DIRAS2: variants seen among roughly 807,000 people sequenced by gnomAD.
DIRAS2 encodes the protein DIRAS family GTPase 2.
DIRAS2 carries 5 observed loss-of-function variants against 13.9 expected under a neutral mutation model. That is an observed-to-expected ratio of 0.36 (90% CI 0.19 to 0.76). The LOEUF (loss-of-function observed/expected upper bound fraction) is 0.76, where lower values mean the gene tolerates loss of function less well. DIRAS2 is among the 30% of genes least tolerant of loss of function. The pLI, the probability that DIRAS2 is intolerant of heterozygous loss-of-function variation, is 0.53. For missense variants in DIRAS2, 191 were observed against 263.0 expected, an observed-to-expected ratio of 0.73 and a Z score of 1.89; for synonymous variants, 111 against 105.4, an observed-to-expected ratio of 1.05 and a Z score of -0.33.
At chr9:90,619,805 T>C (rs1587720829) in intron 1 of DIRAS2, among the ~76,000 whole-genome samples, 1 of 152,178 alleles carries the variant, frequency 6.6e-6, no homozygotes, top group African/African-American at 2.4e-5. Context: ...CAAATGTTTG[T>C]AACTAATGAA....
chr9:90,627,441 G>C (rs1192145492), intron 1 of DIRAS2, among the ~76,000 whole-genome samples: 1 of 152,176 alleles, frequency 6.6e-6, no homozygotes, highest in Non-Finnish European at 1.5e-5. Context: ...GACAAATACT[G>C]TATGAATTCA....
In DIRAS2 at chr9:90,639,465, G is replaced by A. The variant is rs187811409; in HGVS notation, c.-37+3287C>T. On this transcript the variant is annotated intron_variant, in intron 1 of 1. Transcript: ENST00000375765. ...TAGCTGTTCATTAGTTTTATAATGG[G>A]TTTGCTGCTGCTTGTTCAGTAAAAG... Among the ~76,000 whole-genome samples the A allele has an allele frequency of 1.2e-4, 18 of 152,256 alleles. No individual in the cohort carries two copies. In the East Asian group the frequency reaches 3.5e-3, roughly 29 times the overall value.
chr9:90,612,220 G>C lies in DIRAS2; in HGVS notation c.*1008C>G, dbSNP rs1195870708. On this transcript the variant is annotated 3_prime_UTR_variant, in exon 2 of 2. Transcript: ENST00000375765. ...TCAAAGTATTTCATTAAGGTGCAAA[G>C]TGTGGCATATACATGTTTGTGACAC... The C allele has an allele frequency of 6.6e-6, 1 of 152,632 alleles. No homozygotes were observed. The highest frequency in any genetic ancestry group is 1.5e-5 in the Non-Finnish European group (1 of 68,050). The allele number at this position is 152,632 out of a possible 1,614,324, so 9.5% of individuals were successfully genotyped here.
chr9:90,629,285 T>C lies in DIRAS2; in HGVS notation c.-37+13467A>G, dbSNP rs187582811. Among the ~76,000 whole-genome samples, 214 of 152,360 alleles carry C rather than the reference T, an allele frequency of 1.4e-3. 2 individuals are homozygous for C. The highest frequency in any genetic ancestry group is 5.8e-3 in the South Asian group (28 of 4,832). ...CATAAAAACAAATCTCTATACTCTTTCCAGCACAGTTTAATAACACATAAT... is the reference window on the plus strand; with the variant it reads ...CATAAAAACAAATCTCTATACTCTTCCCAGCACAGTTTAATAACACATAAT... On this transcript the variant is annotated intron_variant, in intron 1 of 1. Transcript: ENST00000375765.
intron 1 of DIRAS2, among the ~76,000 whole-genome samples, chr9:90,625,558 C>T (rs1825260858): frequency 2.0e-5 from 3 of 152,176 alleles, no homozygotes; most frequent in African/African-American, 2.4e-5. Context: ...TATCCCACCA[C>T]CATTTGTTGA....
intron 1 of DIRAS2, among the ~76,000 whole-genome samples, chr9:90,631,437 C>T (rs1007621683): frequency 3.9e-5 from 6 of 152,142 alleles, no homozygotes; most frequent in South Asian, 2.1e-4. Context: ...AGAAGTGATA[C>T]GGTGGGACCT....
intron 1 of DIRAS2, among the ~76,000 whole-genome samples, chr9:90,623,468 A>G (rs558963589): frequency 1.4e-5 from 2 of 146,840 alleles, no homozygotes; most frequent in Non-Finnish European, 3.0e-5. Flanking sequence ...GGAAAGGATT[A>G]AGAAAATAAA....
At chr9:90,632,918 A>G (rs1389084731) in intron 1 of DIRAS2, among the ~76,000 whole-genome samples, 1 of 152,208 alleles carries the variant, frequency 6.6e-6, no homozygotes, top group African/African-American at 2.4e-5. Flanking sequence ...ACATGCGGCT[A>G]TTTCACTGAC....
At chr9:90,640,036 C>T (rs922384878) in intron 1 of DIRAS2, among the ~76,000 whole-genome samples, 1 of 152,124 alleles carries the variant, frequency 6.6e-6, no homozygotes, top group African/African-American at 2.4e-5. Context: ...TCTTGTAAGT[C>T]GTCAGCAGGC....
At position 90,619,349 on chromosome 9, in the gene DIRAS2, A is replaced by G. The variant is rs1243025256; in HGVS notation, c.-36-5486T>C. 2.0e-5 allele frequency among the ~76,000 whole-genome samples: 3 copies of G among 152,188 alleles called. No individual in the cohort carries two copies. In the East Asian group the frequency reaches 5.8e-4, roughly 29 times the overall value. The stretch of plus-strand genomic sequence containing the variant: ...TCCCAGTTACTTGGGAGGCTGAGGC[A>G]GGAGAATCACTTGAACCCAGGAGGC... On this transcript the variant is annotated intron_variant, in intron 1 of 1. Transcript: ENST00000375765.
At chr9:90,619,572 C>A (rs370168810) in intron 1 of DIRAS2, among the ~76,000 whole-genome samples, 12 of 152,290 alleles carry the variant, frequency 7.9e-5, no homozygotes, top group South Asian at 4.2e-4. Flanking sequence ...AGCATTTGAA[C>A]CTTTGTGCAT....
At chr9:90,615,430 G>A (rs925343762) in intron 1 of DIRAS2, among the ~76,000 whole-genome samples, 20 of 152,148 alleles carry the variant, frequency 1.3e-4, no homozygotes, top group Non-Finnish European at 2.8e-4. Context: ...ACCAAAAGAT[G>A]GCAGAAGAGT....
At chr9:90,637,512 T>C (rs1825382011) in intron 1 of DIRAS2, among the ~76,000 whole-genome samples, 1 of 152,194 alleles carries the variant, frequency 6.6e-6, no homozygotes, top group Admixed American at 6.5e-5. Context: ...ACCTGTCCCA[T>C]GAAGGTGTAT....
intron 1 of DIRAS2, among the ~76,000 whole-genome samples, chr9:90,629,468 G>A (rs1354932306): frequency 2.0e-5 from 3 of 151,824 alleles, no homozygotes; most frequent in South Asian, 2.1e-4. Flanking sequence ...ATAATCCACC[G>A]GAATGTATGG....
At chr9:90,620,599 T>C (rs1274510967) in intron 1 of DIRAS2, among the ~76,000 whole-genome samples, 2 of 151,696 alleles carry the variant, frequency 1.3e-5, no homozygotes, top group African/African-American at 2.4e-5. Flanking sequence ...CTAGTAAAAA[T>C]ACAAAAAAAT....
chr9:90,615,530 A>AT (rs1285064100), intron 1 of DIRAS2, among the ~76,000 whole-genome samples: 1 of 152,192 alleles, frequency 6.6e-6, no homozygotes, highest in Non-Finnish European at 1.5e-5. Context: ...TTTTTCCACA[A>AT]TTTTTTTAAA....
intron 1 of DIRAS2, among the ~76,000 whole-genome samples, chr9:90,616,793 A>G (rs1447902261): frequency 6.6e-6 from 1 of 151,898 alleles, no homozygotes; most frequent in Non-Finnish European, 1.5e-5. Context: ...AGAACCATTC[A>G]TTTATTTCAC....
At chr9:90,627,888 C>A (rs750840757) in intron 1 of DIRAS2, among the ~76,000 whole-genome samples, 6 of 152,004 alleles carry the variant, frequency 3.9e-5, no homozygotes, top group Non-Finnish European at 7.4e-5. Context: ...GGAGGGAGAG[C>A]ATTAGGACAA....
chr9:90,613,561 G>T lies in DIRAS2; in HGVS notation c.267C>A (p.Thr89=). 6.2e-7 allele frequency: 1 copy of T among 1,614,180 alleles called. No homozygotes were observed. Among genetic ancestry groups the T allele is most frequent in the Non-Finnish European group, 8.5e-7 (1 of 1,180,038 alleles). ...GHAFILVYSI[T]SRQSLEELKP... is the part of the protein sequence containing the mutation. ...TGAGCTCCTCCAAGGACTGTCGGCT[G>T]GTAATGGAGTACACCAGGATGAAGG... The change falls in exon 2 of 2, where the codon ACC becomes ACA. Residue 89 remains threonine, a synonymous_variant. Coordinates refer to ENST00000375765, the MANE Select transcript of DIRAS2 (RefSeq NM_017594.5). The surrounding 1 kb of genome is among the most constrained non-coding windows in gnomAD (Gnocchi z 5.6).
Sources: gnomAD v4.1 joint callset for allele counts (sites outside exome capture counted in the v4.1 genomes callset) on GRCh38, gnomAD v4.1.1 for gene constraint, Gnocchi (gnomAD v3.1) non-coding constraint, MANE v1.5 for transcripts, NCBI Gene and HGNC (gene_info 2026-07-23, HGNC 2026-07-21) for gene names.